The following FOXK2 variants were observed in gnomAD, a reference collection of about 807,000 sequenced individuals.
The protein encoded by FOXK2 is forkhead box K2.
A neutral mutation model predicts 53.3 loss-of-function variants in FOXK2; 24 were observed. The observed-to-expected ratio is 0.45, with a 90% CI of 0.33 to 0.63. The LOEUF is 0.63. FOXK2 is among the 30% of genes least tolerant of loss of function. The pLI is 0.03. For synonymous variants in FOXK2, 505 were observed against 407.1 expected (o/e 1.24, Z -2.89); for missense variants, 952 against 910.5 (o/e 1.05, Z -0.59).
At chr17:82,539,946 A>G (rs1287528078) in intron 1 of FOXK2, among the ~76,000 whole-genome samples, 2 of 150,862 alleles carry the variant, frequency 1.3e-5, no homozygotes, top group East Asian at 3.9e-4. Context: ...AGCCTGGGTG[A>G]CACAGCGAGA....
chr17:82,546,422 G>A (rs2144083248), intron 1 of FOXK2, among the ~76,000 whole-genome samples: 1 of 151,936 alleles, frequency 6.6e-6, no homozygotes, highest in South Asian at 2.1e-4. Context: ...CAGCCAGCGT[G>A]GTATATTAAA....
chr17:82,538,982 G>A (rs1326136261), intron 1 of FOXK2, among the ~76,000 whole-genome samples: 2 of 152,212 alleles, frequency 1.3e-5, no homozygotes, highest in African/African-American at 4.8e-5. Flanking sequence ...AGAAAAACAC[G>A]TTTGGAATGT....
chr17:82,571,807 C>T lies in FOXK2; in HGVS notation c.846C>T (p.Asn282=), dbSNP rs187154573. Residue 282 remains asparagine, a synonymous_variant, in exon 4 of 9, where the codon AAC becomes AAT. Transcript: ENST00000335255. ...TMAPDKQLTL[N]GIYTHITKNY... is the part of the protein sequence containing the mutation. ...CTCCCGACAAACAGCTCACCCTGAA[C>T]GGGATTTATACACACATCACTAAAA... 4.0e-4 allele frequency: 635 copies of T among 1,603,672 alleles called. 4 individuals are homozygous for T. In the East Asian group the frequency reaches 0.01, roughly 26 times the overall value.
chr17:82,592,561 C>G (rs896079195), intron 8 of FOXK2, among the ~76,000 whole-genome samples: 1 of 152,238 alleles, frequency 6.6e-6, no homozygotes, highest in Non-Finnish European at 1.5e-5. Context: ...CTTCACCCTG[C>G]GACATTCTCC....
At chr17:82,520,707 A>T (rs551426368) in intron 1 of FOXK2, among the ~76,000 whole-genome samples, 40 of 147,456 alleles carry the variant, frequency 2.7e-4, no homozygotes, top group Non-Finnish European at 4.9e-4. Context: ...ACTAAAATCT[A>T]TGTCTCTTAA....
Position 82,571,849 on chromosome 17 carries a change from G to T in FOXK2, c.888G>T (p.Arg296Ser). Residue 296 changes from arginine to serine, a missense_variant, in exon 4 of 9, where the codon AGG becomes AGT. Transcript: ENST00000335255. ...TCACTAAAAATTATCCCTACTACAG[G>T]ACTGCGGACAAGGGCTGGCAGGTAA... Reference protein sequence around the residue: ...THITKNYPYYRTADKGWQNSI... With the variant: ...THITKNYPYYSTADKGWQNSI... 6.3e-7 allele frequency: 1 copy of T among 1,581,246 alleles called. No individual in the cohort carries two copies. The highest frequency in any genetic ancestry group is 8.6e-7 in the Non-Finnish European group (1 of 1,168,004).
intron 2 of FOXK2, 71 bp from the exon 3 acceptor site, chr17:82,567,983 C>A: frequency 4.1e-6 from 5 of 1,221,228 alleles, no homozygotes; most frequent in Non-Finnish European, 3.3e-6. Context: ...GTAATTAAAG[C>A]CAGTTGCTGA....
intron 1 of FOXK2, among the ~76,000 whole-genome samples, chr17:82,523,614 A>G (rs992946823): frequency 6.6e-6 from 1 of 151,752 alleles, no homozygotes; most frequent in Non-Finnish European, 1.5e-5. Context: ...CTGGGATTAC[A>G]GGTGTGCACT....
chr17:82,556,567 T>C (rs1467236324), intron 1 of FOXK2, among the ~76,000 whole-genome samples: 3 of 130,620 alleles, frequency 2.3e-5, no homozygotes, highest in African/African-American at 8.9e-5. Context: ...TTGCTGGGGC[T>C]GGGGCTGGGG....
chr17:82,557,990 C>G (rs2044750327), intron 1 of FOXK2, among the ~76,000 whole-genome samples: 1 of 152,130 alleles, frequency 6.6e-6, no homozygotes, highest in Admixed American at 6.5e-5. Flanking sequence ...TCCTGAGGAT[C>G]CTCTGCAGTG....
intron 1 of FOXK2, among the ~76,000 whole-genome samples, chr17:82,524,042 C>T (rs1214655922): frequency 6.6e-6 from 1 of 152,044 alleles, no homozygotes; most frequent in Non-Finnish European, 1.5e-5. Flanking sequence ...TTAAGGAGCC[C>T]ACCACCAGGC....
At chr17:82,574,579 C>T (rs564334827) in intron 4 of FOXK2, among the ~76,000 whole-genome samples, 55 of 152,162 alleles carry the variant, frequency 3.6e-4, no homozygotes, top group Non-Finnish European at 5.0e-4. Flanking sequence ...CTCGGTCTCC[C>T]GAAGTGCTGG....
At position 82,601,638 on chromosome 17, in the gene FOXK2, C is replaced by G. The variant is rs1361689122; in HGVS notation, c.*139C>G. Reference sequence around the variant, plus strand: ...ACTGAAAACCCAAAACCCAGCTGGCCTTAACACTCCTTAAAGACAGAAGTC... The same window carrying G: ...ACTGAAAACCCAAAACCCAGCTGGCGTTAACACTCCTTAAAGACAGAAGTC... On this transcript the variant is annotated 3_prime_UTR_variant, in exon 9 of 9. Coordinates refer to ENST00000335255, the MANE Select transcript of FOXK2 (RefSeq NM_004514.4). 1 of 734,540 alleles carries G rather than the reference C, an allele frequency of 1.4e-6. No individual in the cohort carries two copies. The highest frequency in any genetic ancestry group is 2.2e-6 in the Non-Finnish European group (1 of 463,132). The allele number at this position is 734,540 out of a possible 1,614,324, so 45.5% of individuals were successfully genotyped here.
Position 82,604,455 on chromosome 17 carries a change from CTG to C in FOXK2, c.*2961_*2962del. 6.6e-6 allele frequency: 1 copy of C among 152,526 alleles called. No homozygotes were observed. The highest frequency in any genetic ancestry group is 1.5e-5 in the Non-Finnish European group (1 of 68,046). The allele number at this position is 152,526 out of a possible 1,614,324, so 9.4% of individuals were successfully genotyped here. On this transcript the variant is annotated 3_prime_UTR_variant, in exon 9 of 9. Coordinates refer to ENST00000335255, the MANE Select transcript of FOXK2 (RefSeq NM_004514.4). ...AGTGTGAGGACTTGGGGTTTCTGTG[CTG>C]TGTGACACAAGGAGATAAGTGACAA...
At chr17:82,533,088 C>T (rs1008975867) in intron 1 of FOXK2, among the ~76,000 whole-genome samples, 9 of 152,204 alleles carry the variant, frequency 5.9e-5, no homozygotes, top group Admixed American at 6.5e-5. Flanking sequence ...CTGTCACCTC[C>T]GGTGATAACG....
chr17:82,538,795 T>C (rs564258707), intron 1 of FOXK2, among the ~76,000 whole-genome samples: 1 of 152,146 alleles, frequency 6.6e-6, no homozygotes. Flanking sequence ...TGGACAACAC[T>C]GAGGCCCAGC....
At chr17:82,597,869 C>G (rs2045332964) in intron 8 of FOXK2, among the ~76,000 whole-genome samples, 1 of 152,182 alleles carries the variant, frequency 6.6e-6, no homozygotes, top group African/African-American at 2.4e-5. Flanking sequence ...AGGCTGGTCT[C>G]AAACTCCTGA....
intron 4 of FOXK2, 44 bp downstream of exon 4, chr17:82,571,914 C>T (rs369341653): frequency 1.4e-5 from 20 of 1,477,924 alleles, no homozygotes; most frequent in Admixed American, 5.1e-5. Flanking sequence ...TGATGGATAC[C>T]GAGAAGAAAG....
At chr17:82,573,558 TCTCTCACACACACA>T (rs1318871574) in intron 4 of FOXK2, among the ~76,000 whole-genome samples, 1,198 of 90,664 alleles carry the variant, frequency 0.013, 12 homozygotes, top group African/African-American at 0.049. Context: ...TCTCTCTCTC[TCTCTCACACACACA>T]CACACACACA....
Sources: allele counts gnomAD v4.1 joint callset (sites outside exome capture counted in the v4.1 genomes callset), GRCh38; gene constraint gnomAD v4.1.1; transcripts MANE v1.5; gene names NCBI Gene and HGNC (gene_info 2026-07-23, HGNC 2026-07-21).